Variants in GOLGA1 observed in about 807,000 individuals in gnomAD.
GOLGA1 encodes the protein golgin subfamily A member 1.
In GOLGA1, 63 loss-of-function variants were observed where a neutral mutation model predicts 119.7. The observed-to-expected ratio is 0.53, with a 90% confidence interval of 0.43 to 0.65. The LOEUF is 0.65. Ranked by LOEUF, GOLGA1 falls within the 30% of genes least tolerant of loss-of-function variation. GOLGA1 has a pLI of 0.00. For synonymous variants in GOLGA1, 318 were observed against 333.4 expected (o/e 0.95, Z 0.50); for missense variants, 798 against 912.8 (o/e 0.87, Z 1.62).
At position 124,882,568 on chromosome 9, in the gene GOLGA1, G is replaced by C. The variant is rs527575386; in HGVS notation, c.1907C>G (p.Thr636Ser). The stretch of plus-strand genomic sequence containing the variant: ...CATCCGCTGCTGCATCTGCTTTATG[G>C]TCTGCGACAAGCCCCACCCCACAGA... ...LEQQLLEKNK[T>S]IKQMQQRMLE... is the part of the protein sequence containing the mutation. Residue 636 changes from threonine to serine, a missense_variant and splice_region_variant, in exon 20 of 23, where the codon ACC (threonine) becomes AGC (serine). Transcript: ENST00000373555. The C allele has an allele frequency of 3.7e-6, 6 of 1,611,580 alleles. No individual in the cohort carries two copies. In the South Asian group the frequency reaches 5.5e-5, roughly 15 times the overall value.
At chr9:124,903,476 TAA>T (rs746201729) in intron 12 of GOLGA1, among the ~76,000 whole-genome samples, 4 of 135,906 alleles carry the variant, frequency 2.9e-5, no homozygotes, top group Non-Finnish European at 4.8e-5. Flanking sequence ...AGATTTTGTC[TAA>T]AAAAAAAAAA....
chr9:124,934,849 C>T (rs1830834228), intron 3 of GOLGA1, among the ~76,000 whole-genome samples: 1 of 152,118 alleles, frequency 6.6e-6, no homozygotes, highest in South Asian at 2.1e-4. Flanking sequence ...GAGTTCGAGA[C>T]CAGCCTAAGC....
At chr9:124,906,238 A>G (rs1830229873) in intron 12 of GOLGA1, among the ~76,000 whole-genome samples, 1 of 151,254 alleles carries the variant, frequency 6.6e-6, no homozygotes, top group Admixed American at 6.6e-5. Context: ...GTTTGAGACC[A>G]GCCTCAACAT....
At chr9:124,892,932 C>CA (rs11464433) in intron 15 of GOLGA1, among the ~76,000 whole-genome samples, 50,551 of 114,368 alleles carry the variant, frequency 0.44, 9,578 homozygotes, top group East Asian at 0.62. Flanking sequence ...AATTCCATCT[C>CA]AAAAAAAAAA....
chr9:124,900,371 G>A (rs763591313), intron 13 of GOLGA1, 81 bp downstream of exon 13: 39 of 770,938 alleles, frequency 5.1e-5, no homozygotes, highest in Admixed American at 1.4e-4. Flanking sequence ...GCCGAAGTTC[G>A]GAATGAGTTT....
intron 15 of GOLGA1, among the ~76,000 whole-genome samples, chr9:124,894,588 T>G (rs1399311652): frequency 6.6e-6 from 1 of 152,146 alleles, no homozygotes; most frequent in Non-Finnish European, 1.5e-5. Flanking sequence ...GCCTACAGAC[T>G]ACTAGATATG....
intron 10 of GOLGA1, among the ~76,000 whole-genome samples, chr9:124,919,107 A>T (rs953724819): frequency 2.0e-5 from 3 of 151,870 alleles, no homozygotes; most frequent in African/African-American, 7.3e-5. Context: ...ATAAAAAAAA[A>T]TTAGCCTGTT....
chr9:124,880,575 G>T lies in GOLGA1; in HGVS notation c.2259C>A (p.Gly753=). The T allele has an allele frequency of 6.2e-7, 1 of 1,610,896 alleles. No homozygotes were observed. Among genetic ancestry groups the T allele is most frequent in the Non-Finnish European group, 8.5e-7 (1 of 1,177,236 alleles). ...SWFGSKPAPK[G]SIRPSISNPR... is the part of the protein sequence containing the mutation. ...GGTTTGAGATAGACGGCCGGATGCT[G>T]CCCTTGGGAGCTGGTTTGGACCCAA... Residue 753 remains glycine (G), a synonymous_variant, in exon 23 of 23, where the codon GGC becomes GGA. Transcript: ENST00000373555.
At chr9:124,907,005 T>C (rs867625181) in intron 12 of GOLGA1, among the ~76,000 whole-genome samples, 2 of 152,122 alleles carry the variant, frequency 1.3e-5, no homozygotes, top group Admixed American at 6.6e-5. Flanking sequence ...TTGAATTTTT[T>C]AGTAACTCAA....
rs767019958 is a variant in GOLGA1 at position 124,938,663 on chromosome 9, G to C, written c.49C>G (p.Gln17Glu). 6.2e-7 allele frequency: 1 copy of C among 1,613,344 alleles called. No individual in the cohort carries two copies. The highest frequency in any genetic ancestry group is 1.7e-5 in the Admixed American group (1 of 59,964). Residue 17 changes from glutamine to glutamate, a missense_variant, in exon 3 of 23, where the codon CAG (glutamine) becomes GAG (glutamate). By Grantham distance (29) the Gln-to-Glu change is conservative. Coordinates refer to ENST00000373555, the MANE Select transcript of GOLGA1 (RefSeq NM_002077.4). Reference sequence around the variant, plus strand: ...ATCCTAGTAGCACCTCCTGGCCTCTGAGCAACAGCAGTCTCTTCTGCAATT... The same window carrying C: ...ATCCTAGTAGCACCTCCTGGCCTCTCAGCAACAGCAGTCTCTTCTGCAATT... Reference protein sequence around the residue: ...KKIAEETAVAQRPGGATRIPR... With the variant: ...KKIAEETAVAERPGGATRIPR...
At chr9:124,902,376 T>G (rs967210383) in intron 12 of GOLGA1, among the ~76,000 whole-genome samples, 1 of 151,928 alleles carries the variant, frequency 6.6e-6, no homozygotes, top group African/African-American at 2.4e-5. Flanking sequence ...CCTCCCAAAG[T>G]GCTGGGATTA....
intron 11 of GOLGA1, among the ~76,000 whole-genome samples, chr9:124,909,828 G>A (rs928938955): frequency 2.0e-5 from 3 of 152,030 alleles, no homozygotes; most frequent in South Asian, 4.1e-4. Context: ...GTAGTGGTGC[G>A]ATCTTGGCTC....
At chr9:124,880,640 A>G in intron 22 of GOLGA1, 30 bp from the exon 23 acceptor site, 1 of 1,419,702 alleles carries the variant, frequency 7.0e-7, no homozygotes, top group African/African-American at 1.4e-5. Context: ...GGCTTCTGAG[A>G]TGCAAATCAG....
chr9:124,924,788 C>T (rs1186177791), intron 7 of GOLGA1, among the ~76,000 whole-genome samples: 2 of 151,514 alleles, frequency 1.3e-5, no homozygotes, highest in Admixed American at 1.3e-4. Context: ...TTACTATTTC[C>T]TACTCTAGAA....
At chr9:124,920,603 G>T (rs1039787666) in intron 10 of GOLGA1, among the ~76,000 whole-genome samples, 1 of 151,936 alleles carries the variant, frequency 6.6e-6, no homozygotes, top group Admixed American at 6.6e-5. Context: ...AGCCACTATT[G>T]TATTTTTCAT....
chr9:124,900,377 A>G (rs16927719), intron 13 of GOLGA1, 75 bp downstream of exon 13: 9,887 of 798,666 alleles, frequency 0.012, 594 homozygotes, highest in Admixed American at 0.12. Context: ...GTTCGGAATG[A>G]GTTTGGAGCA....
intron 3 of GOLGA1, among the ~76,000 whole-genome samples, chr9:124,934,037 T>C (rs1246317425): frequency 3.9e-5 from 6 of 152,132 alleles, no homozygotes; most frequent in African/African-American, 1.2e-4. Flanking sequence ...TAGTGAATAA[T>C]TAAATCTGGG....
chr9:124,891,362 C>T (rs922042706), intron 15 of GOLGA1, among the ~76,000 whole-genome samples: 2 of 152,168 alleles, frequency 1.3e-5, no homozygotes, highest in African/African-American at 2.4e-5. Flanking sequence ...CTTTGAAGAG[C>T]GTGGATGGAG....
Position 124,881,829 on chromosome 9 carries a change from G to A in GOLGA1, c.2091C>T (p.Tyr697=), listed in dbSNP as rs1314190214. Residue 697 remains tyrosine, a synonymous_variant, in exon 21 of 23, where the codon TAC becomes TAT. Coordinates refer to ENST00000373555, the MANE Select transcript of GOLGA1 (RefSeq NM_002077.4). This position sits in a 1 kb window ranked among gnomAD's most constrained non-coding sequence, Gnocchi z 4.9. ...LTDAREINFE[Y]LKHVVLKFMS... is the part of the protein sequence containing the mutation. ...TGAATTTTAAAACCACATGTTTAAG[G>A]TACTCAAAGTTGATCTCGCGGGCAT... The A allele has an allele frequency of 6.2e-6, 10 of 1,612,716 alleles. No homozygotes were observed. The South Asian group carries it at 8.8e-5, about 14-fold the overall frequency.
Sources: allele counts gnomAD v4.1 joint callset (sites outside exome capture counted in the v4.1 genomes callset), GRCh38; gene constraint gnomAD v4.1.1; non-coding constraint Gnocchi (gnomAD v3.1); transcripts MANE v1.5; gene names NCBI Gene and HGNC (gene_info 2026-07-23, HGNC 2026-07-21).